Variants in PEAK1 observed in about 807,000 individuals in gnomAD.
PEAK1 encodes inactive tyrosine-protein kinase PEAK1.
Under a neutral mutation model 124.7 loss-of-function variants are expected in PEAK1, and 54 were observed. The observed-to-expected ratio is 0.43, with a 90% confidence interval of 0.35 to 0.54. The LOEUF (loss-of-function observed/expected upper bound fraction) is 0.54, where lower values mean the gene tolerates loss of function less well. PEAK1 is among the 20% of genes least tolerant of loss of function. The probability of loss-of-function intolerance (pLI) is 0.01; values close to 1 mark genes in which losing one functional copy is unlikely to be tolerated. For synonymous variants in PEAK1, 719 were observed against 760.0 expected (o/e 0.95, Z 0.89); for missense variants, 2,046 against 2,134.5 (o/e 0.96, Z 0.82).
chr15:77,279,769 C>T (rs576553130), intron 5 of PEAK1, among the ~76,000 whole-genome samples: 1 of 152,118 alleles, frequency 6.6e-6, no homozygotes, highest in African/African-American at 2.4e-5. Context: ...TGATTTTCTG[C>T]CCATGTCCTG....
intron 8 of PEAK1, among the ~76,000 whole-genome samples, chr15:77,144,016 CA>C (rs2053991904): frequency 6.6e-6 from 1 of 152,226 alleles, no homozygotes; most frequent in Admixed American, 6.5e-5. Context: ...CAAAAATAAT[CA>C]CAGACATGAG....
chr15:77,115,455 G>T, intron 9 of PEAK1, 136 bp from the exon 10 acceptor site: 1 of 750,772 alleles, frequency 1.3e-6, no homozygotes. Context: ...CTTGCCCCAT[G>T]TTAAGTGGCA....
chr15:77,333,978 A>G, intron 2 of PEAK1: 1 of 428,978 alleles, frequency 2.3e-6, no homozygotes, highest in Non-Finnish European at 3.1e-6. Context: ...TTAGAATTGC[A>G]TCAAATTCAT....
chr15:77,255,015 G>A (rs2152929328), intron 5 of PEAK1, among the ~76,000 whole-genome samples: 1 of 152,274 alleles, frequency 6.6e-6, no homozygotes, highest in East Asian at 1.9e-4. Context: ...ACTCTCTGAG[G>A]AGATGATGCC....
chr15:77,251,063 G>A (rs2060857924), intron 6 of PEAK1, among the ~76,000 whole-genome samples: 1 of 152,116 alleles, frequency 6.6e-6, no homozygotes, highest in Admixed American at 6.6e-5. Flanking sequence ...ACTAGTTTCG[G>A]TCCATCATAC....
intron 5 of PEAK1, among the ~76,000 whole-genome samples, chr15:77,265,010 T>G (rs1485821299): frequency 2.0e-5 from 3 of 152,192 alleles, no homozygotes; most frequent in Non-Finnish European, 4.4e-5. Flanking sequence ...GGGGAAAGGA[T>G]TCCCTATTTA....
intron 6 of PEAK1, among the ~76,000 whole-genome samples, chr15:77,202,695 G>A (rs904148462): frequency 2.2e-4 from 33 of 151,954 alleles, no homozygotes; most frequent in African/African-American, 7.2e-4. Context: ...ATGCGAACCC[G>A]GAGGCGGAGC....
intron 5 of PEAK1, among the ~76,000 whole-genome samples, chr15:77,262,806 T>C (rs1444617503): frequency 5.9e-5 from 9 of 152,026 alleles, no homozygotes; most frequent in African/African-American, 2.2e-4. Flanking sequence ...ATACATTTTT[T>C]TCAGCACCAC....
chr15:77,203,776 A>T (rs897944278), intron 6 of PEAK1, among the ~76,000 whole-genome samples: 1 of 152,184 alleles, frequency 6.6e-6, no homozygotes, highest in African/African-American at 2.4e-5. Context: ...CCAGTGAATC[A>T]ATGGCCTCAA....
chr15:77,252,827 T>C (rs1380685826), intron 5 of PEAK1, among the ~76,000 whole-genome samples: 1 of 152,184 alleles, frequency 6.6e-6, no homozygotes, highest in African/African-American at 2.4e-5. Context: ...TGGAAGTATA[T>C]GAATACTAAC....
chr15:77,159,486 G>C (rs1468473899), intron 7 of PEAK1, among the ~76,000 whole-genome samples: 1 of 152,178 alleles, frequency 6.6e-6, no homozygotes, highest in Admixed American at 6.5e-5. Flanking sequence ...CAATTCTGTT[G>C]CTGGTGGAGA....
intron 8 of PEAK1, among the ~76,000 whole-genome samples, chr15:77,153,724 G>A (rs28793654): frequency 0.014 from 2,098 of 152,174 alleles, 47 homozygotes; most frequent in African/African-American, 0.047. Flanking sequence ...CTTTATTTCC[G>A]CCTTCATTTC....
chr15:77,413,906 C>A (rs1325698257), intron 1 of PEAK1, among the ~76,000 whole-genome samples: 5 of 152,102 alleles, frequency 3.3e-5, no homozygotes, highest in Non-Finnish European at 7.4e-5. Context: ...TCACTACAGC[C>A]TCTACCATCC....
chr15:77,104,572 G>A (rs1300264857), downstream of PEAK1: 1 of 152,364 alleles, frequency 6.6e-6, no homozygotes, highest in Non-Finnish European at 1.5e-5. Flanking sequence ...CCTGGAGAGT[G>A]GAGCTGCTGC....
At chr15:77,269,799 T>C (rs1395863202) in intron 5 of PEAK1, among the ~76,000 whole-genome samples, 1 of 152,106 alleles carries the variant, frequency 6.6e-6, no homozygotes. Flanking sequence ...TAGACCACAG[T>C]GGAATAAAAT....
intron 8 of PEAK1, among the ~76,000 whole-genome samples, chr15:77,153,675 G>T (rs1237904747): frequency 6.6e-6 from 1 of 152,088 alleles, no homozygotes; most frequent in South Asian, 2.1e-4. Context: ...AGAGATTCTG[G>T]TATGTTGTGT....
At chr15:77,221,037 G>C (rs2059366258) in intron 6 of PEAK1, among the ~76,000 whole-genome samples, 1 of 152,010 alleles carries the variant, frequency 6.6e-6, no homozygotes, top group African/African-American at 2.4e-5. Flanking sequence ...TCTACTATGA[G>C]GATAGAATTC....
At chr15:77,166,131 T>G (rs377345011) in intron 7 of PEAK1, among the ~76,000 whole-genome samples, 1 of 152,174 alleles carries the variant, frequency 6.6e-6, no homozygotes, top group Non-Finnish European at 1.5e-5. Flanking sequence ...ACCAAAAAAG[T>G]TAATAATTTA....
At chr15:77,169,323 G>A (rs2056344775) in intron 7 of PEAK1, among the ~76,000 whole-genome samples, 1 of 152,190 alleles carries the variant, frequency 6.6e-6, no homozygotes, top group South Asian at 2.1e-4. Flanking sequence ...TCTAAACTGG[G>A]CAATTTGTGT....
Sources: gnomAD v4.1 joint callset for allele counts (sites outside exome capture counted in the v4.1 genomes callset) on GRCh38, gnomAD v4.1.1 for gene constraint, MANE v1.5 for transcripts, NCBI Gene and HGNC (gene_info 2026-07-23, HGNC 2026-07-21) for gene names.